The following BNC2 variants were observed in gnomAD, a reference collection of about 807,000 sequenced individuals.
BNC2 encodes zinc finger protein basonuclin-2.
A neutral mutation model predicts 76.3 loss-of-function variants in BNC2; 20 were observed. That is an observed-to-expected ratio of 0.26 (90% CI 0.18 to 0.38). The LOEUF is 0.38. BNC2 is among the 10% of genes least tolerant of loss of function. The pLI is 1.00. For synonymous variants in BNC2, 582 were observed against 514.8 expected, an observed-to-expected ratio of 1.13 and a Z score of -1.77; for missense variants, 1,382 against 1,399.8, an observed-to-expected ratio of 0.99 and a Z score of 0.20.
chr9:16,835,240 T>G (rs572677911), intron 1 of BNC2, among the ~76,000 whole-genome samples: 1 of 152,374 alleles, frequency 6.6e-6, no homozygotes, highest in African/African-American at 2.4e-5. Context: ...TAACAACTGA[T>G]TGATCTTCAA....
At chr9:16,855,336 G>C (rs1327755522) in intron 1 of BNC2, among the ~76,000 whole-genome samples, 3 of 152,112 alleles carry the variant, frequency 2.0e-5, no homozygotes, top group African/African-American at 7.2e-5. Flanking sequence ...TCTCTCTTAG[G>C]ATGACAGCTT....
intron 1 of BNC2, among the ~76,000 whole-genome samples, chr9:16,859,385 T>C (rs1279612982): frequency 1.3e-5 from 2 of 152,200 alleles, no homozygotes; most frequent in African/African-American, 4.8e-5. Flanking sequence ...TTTACAGCTA[T>C]TTGCATACTT....
At chr9:16,675,007 G>T (rs969862288) in intron 3 of BNC2, among the ~76,000 whole-genome samples, 2 of 152,012 alleles carry the variant, frequency 1.3e-5, no homozygotes, top group African/African-American at 4.8e-5. Flanking sequence ...AAAGTAGAAG[G>T]GAAAAAATAA....
chr9:16,571,256 A>C (rs1819314808), intron 4 of BNC2, among the ~76,000 whole-genome samples: 1 of 152,154 alleles, frequency 6.6e-6, no homozygotes, highest in Non-Finnish European at 1.5e-5. Context: ...AGGTGTTTTA[A>C]ATATATCCAA....
chr9:16,668,347 T>G (rs1822363555), intron 3 of BNC2, among the ~76,000 whole-genome samples: 1 of 152,206 alleles, frequency 6.6e-6, no homozygotes, highest in African/African-American at 2.4e-5. Flanking sequence ...AAGTATCCTA[T>G]GAAAAGACCT....
intron 5 of BNC2, among the ~76,000 whole-genome samples, chr9:16,472,176 A>G (rs1821840456): frequency 6.6e-6 from 1 of 152,336 alleles, no homozygotes; most frequent in South Asian, 2.1e-4. Context: ...CCTCACAAGC[A>G]CTATATTGTC....
intron 5 of BNC2, among the ~76,000 whole-genome samples, chr9:16,530,897 C>T (rs933106459): frequency 3.3e-5 from 5 of 152,110 alleles, no homozygotes; most frequent in South Asian, 2.1e-4. Flanking sequence ...GCAGGGCTCA[C>T]GGTGCCTGAT....
At chr9:16,511,105 C>CTTTTT (rs34511398) in intron 5 of BNC2, among the ~76,000 whole-genome samples, 27 of 125,210 alleles carry the variant, frequency 2.2e-4, no homozygotes, top group East Asian at 1.7e-3. Context: ...ACTAAACTTA[C>CTTTTT]TTTTTTTTTT....
At chr9:16,617,111 A>AT (rs1820727259) in intron 3 of BNC2, among the ~76,000 whole-genome samples, 1 of 152,214 alleles carries the variant, frequency 6.6e-6, no homozygotes, top group African/African-American at 2.4e-5. Context: ...GAGAACACAG[A>AT]AATTGATATG....
intron 6 of BNC2, among the ~76,000 whole-genome samples, chr9:16,433,264 T>G (rs963470040): frequency 6.6e-6 from 1 of 152,176 alleles, no homozygotes; most frequent in Non-Finnish European, 1.5e-5. Flanking sequence ...AAGCAAAATT[T>G]CAAGTGAGAA....
chr9:16,486,973 T>A (rs1291062198), intron 5 of BNC2, among the ~76,000 whole-genome samples: 1 of 152,198 alleles, frequency 6.6e-6, no homozygotes, highest in Non-Finnish European at 1.5e-5. Context: ...CCTCAAAAAG[T>A]ACCAAAATTA....
intron 5 of BNC2, among the ~76,000 whole-genome samples, chr9:16,489,172 T>A (rs1822223220): frequency 1.3e-5 from 2 of 152,240 alleles, no homozygotes; most frequent in Admixed American, 1.3e-4. Context: ...CAGTTCAACA[T>A]ATTACCAATA....
At chr9:16,458,729 C>T (rs1927638) in intron 5 of BNC2, among the ~76,000 whole-genome samples, 44,949 of 151,878 alleles carry the variant, frequency 0.3, 6,744 homozygotes, top group Admixed American at 0.38. Context: ...GTGTGATATA[C>T]ATTTGGCTCC....
At chr9:16,584,629 A>G in intron 3 of BNC2, among the ~76,000 whole-genome samples, 1 of 152,304 alleles carries the variant, frequency 6.6e-6, no homozygotes, top group East Asian at 1.9e-4. Flanking sequence ...AATTGTAGCT[A>G]GGTTGTAAAC....
At chr9:16,618,195 G>T (rs975952975) in intron 3 of BNC2, among the ~76,000 whole-genome samples, 3 of 152,156 alleles carry the variant, frequency 2.0e-5, no homozygotes, top group African/African-American at 7.2e-5. Context: ...CACTGGCTCT[G>T]TGACTTAAAC....
intron 4 of BNC2, among the ~76,000 whole-genome samples, chr9:16,565,859 AC>A (rs1466863375): frequency 1.3e-5 from 2 of 151,916 alleles, no homozygotes; most frequent in Non-Finnish European, 2.9e-5. Flanking sequence ...ACACAAAATT[AC>A]AAACTGGATA....
intron 5 of BNC2, among the ~76,000 whole-genome samples, chr9:16,457,935 T>A (rs1249663938): frequency 1.3e-5 from 2 of 152,118 alleles, no homozygotes; most frequent in African/African-American, 2.4e-5. Flanking sequence ...CCATCCAACA[T>A]AAAGAGAGAT....
At chr9:16,598,245 C>T (rs925518031) in intron 3 of BNC2, among the ~76,000 whole-genome samples, 3 of 152,156 alleles carry the variant, frequency 2.0e-5, no homozygotes, top group Middle Eastern at 6.8e-3. Flanking sequence ...TAAGTATGAT[C>T]TGACTGGGGA....
intron 3 of BNC2, among the ~76,000 whole-genome samples, chr9:16,624,486 C>A (rs1352893845): frequency 1.3e-5 from 2 of 152,126 alleles, no homozygotes; most frequent in Non-Finnish European, 2.9e-5. Flanking sequence ...ACTGTAACAG[C>A]CAAATAAACC....
Sources: allele counts gnomAD v4.1 joint callset (sites outside exome capture counted in the v4.1 genomes callset), GRCh38; gene constraint gnomAD v4.1.1; transcripts MANE v1.5; gene names NCBI Gene and HGNC (gene_info 2026-07-23, HGNC 2026-07-21).